The following SNX29 variants were observed in gnomAD, a reference collection of about 807,000 sequenced individuals.
The protein encoded by SNX29 is sorting nexin-29.
Under a neutral mutation model 102.1 loss-of-function variants are expected in SNX29, and 78 were observed. That is an observed-to-expected ratio of 0.76 (90% CI 0.64 to 0.92). SNX29 has a LOEUF of 0.92. SNX29 is among the 40% of genes least tolerant of loss of function. SNX29 has a pLI of 0.00. For synonymous variants in SNX29, 580 were observed against 414.5 expected (o/e 1.40, Z -4.85); for missense variants, 1,280 against 1,061.7 (o/e 1.21, Z -2.86).
At chr16:12,533,148 C>G (rs1401362712) in intron 20 of SNX29, among the ~76,000 whole-genome samples, 2 of 152,378 alleles carry the variant, frequency 1.3e-5, no homozygotes, top group Middle Eastern at 3.4e-3. Context: ...CCGCCTTTGC[C>G]AGGCAGGGCC....
intron 14 of SNX29, among the ~76,000 whole-genome samples, chr16:12,249,155 TG>T (rs2078348269): frequency 6.6e-6 from 1 of 152,278 alleles, no homozygotes; most frequent in South Asian, 2.1e-4. Context: ...GCAGCTGTGA[TG>T]GGGACAGCTC....
At chr16:12,014,941 A>G (rs1026078179) in intron 3 of SNX29, among the ~76,000 whole-genome samples, 2 of 151,738 alleles carry the variant, frequency 1.3e-5, no homozygotes, top group African/African-American at 4.8e-5. Context: ...CAAAGCATGA[A>G]TTTTTTTCTT....
At position 12,463,694 on chromosome 16, in the gene SNX29, T is replaced by C. The variant is rs572764683; in HGVS notation, c.2038-14025T>C. On this transcript the variant is annotated intron_variant, in intron 18 of 20. Transcript: ENST00000566228. Reference sequence around the variant, plus strand: ...CTATTATTAAAAATTGTTTTTAAATTTTTAAATATTGACAAATAAAAATTG... The same window carrying C: ...CTATTATTAAAAATTGTTTTTAAATCTTTAAATATTGACAAATAAAAATTG... Among the ~76,000 whole-genome samples the C allele has an allele frequency of 1.4e-4, 22 of 152,298 alleles. 1 individual carries two copies. In the South Asian group the frequency reaches 4.6e-3, roughly 32 times the overall value.
At chr16:12,009,658 T>G (rs1443447130) in intron 3 of SNX29, among the ~76,000 whole-genome samples, 1 of 152,154 alleles carries the variant, frequency 6.6e-6, no homozygotes, top group Non-Finnish European at 1.5e-5. Context: ...CGCTGGGCTC[T>G]GAAATGCGCG....
At chr16:12,192,793 C>A (rs1225952970) in intron 13 of SNX29, among the ~76,000 whole-genome samples, 1 of 152,188 alleles carries the variant, frequency 6.6e-6, no homozygotes, top group African/African-American at 2.4e-5. Context: ...ACCTCTGCCT[C>A]CCGGGTTCAA....
intron 11 of SNX29, among the ~76,000 whole-genome samples, chr16:12,107,822 C>T (rs779266178): frequency 6.6e-6 from 1 of 152,044 alleles, no homozygotes; most frequent in East Asian, 1.9e-4. Flanking sequence ...TTCTGCTACC[C>T]GTCCATAGGA....
At chr16:12,148,062 A>T (rs1245204314) in intron 13 of SNX29, among the ~76,000 whole-genome samples, 3 of 152,210 alleles carry the variant, frequency 2.0e-5, no homozygotes, top group African/African-American at 7.2e-5. Context: ...AAGATGTGTG[A>T]GACTCGTACC....
At chr16:12,555,886 C>T (rs1034831889) in intron 20 of SNX29, among the ~76,000 whole-genome samples, 5 of 152,028 alleles carry the variant, frequency 3.3e-5, no homozygotes, top group South Asian at 4.2e-4. Context: ...TGCTTTCTGC[C>T]CTCCTGTTCT....
At position 12,553,223 on chromosome 16, in the gene SNX29, G is replaced by A. The variant is rs180840157; in HGVS notation, c.2319-15283G>A. Among the ~76,000 whole-genome samples the A allele has an allele frequency of 7.5e-4, 114 of 152,266 alleles. 1 individual carries two copies. The highest frequency in any genetic ancestry group is 2.4e-3 in the African/African-American group (100 of 41,530). On this transcript the variant is annotated intron_variant, in intron 20 of 20. Coordinates refer to ENST00000566228, the MANE Select transcript of SNX29 (RefSeq NM_032167.5). ...ATTTCCAGTAGCCATGCTCGCAGAT[G>A]GGGACTTGAGAATACAGAGAGAGAT...
chr16:12,274,492 C>A (rs1038250466), intron 14 of SNX29, among the ~76,000 whole-genome samples: 1 of 151,226 alleles, frequency 6.6e-6, no homozygotes, highest in Non-Finnish European at 1.5e-5. Flanking sequence ...TTTCTCCTTT[C>A]TTGATCTCTT....
At chr16:12,530,338 G>A (rs987758804) in intron 20 of SNX29, among the ~76,000 whole-genome samples, 12 of 152,102 alleles carry the variant, frequency 7.9e-5, no homozygotes, top group Non-Finnish European at 1.0e-4. Context: ...GGAGATTGTG[G>A]GGAGCAGATA....
At chr16:12,013,543 C>CGAGAGAGAGAGAGAGAGAGAGA (rs1433909955) in intron 3 of SNX29, among the ~76,000 whole-genome samples, 2 of 61,876 alleles carry the variant, frequency 3.2e-5, no homozygotes, top group African/African-American at 1.1e-4. Flanking sequence ...ATATATATAT[C>CGAGAGAGAGAGAGAGAGAGAGA]GAGAGAGGAG....
At chr16:12,118,336 T>TA (rs1555464076) in intron 11 of SNX29, among the ~76,000 whole-genome samples, 18 of 145,440 alleles carry the variant, frequency 1.2e-4, no homozygotes, top group South Asian at 2.2e-4. Flanking sequence ...TTTTTTTTTT[T>TA]ATGAGATGGA....
intron 19 of SNX29, among the ~76,000 whole-genome samples, chr16:12,516,000 G>T (rs1260846596): frequency 1.3e-5 from 2 of 152,132 alleles, no homozygotes; most frequent in Non-Finnish European, 1.5e-5. Context: ...GGAAGCAGGG[G>T]AGGGGAGGAT....
At chr16:12,564,890 G>C (rs1261529322) in intron 20 of SNX29, among the ~76,000 whole-genome samples, 1 of 150,750 alleles carries the variant, frequency 6.6e-6, no homozygotes, top group Non-Finnish European at 1.5e-5. Context: ...AGGATCCTGT[G>C]GGGAGGAGGC....
At chr16:12,288,398 C>T (rs1301667068) in intron 15 of SNX29, among the ~76,000 whole-genome samples, 1 of 152,188 alleles carries the variant, frequency 6.6e-6, no homozygotes, top group African/African-American at 2.4e-5. Flanking sequence ...AGTAAAAGTA[C>T]CTACAAATGT....
chr16:12,467,635 C>CGTTCGTTT (rs2087120691), intron 18 of SNX29, among the ~76,000 whole-genome samples: 2 of 136,262 alleles, frequency 1.5e-5, no homozygotes, highest in East Asian at 5.2e-4. Flanking sequence ...TTCGTTCGTT[C>CGTTCGTTT]GTTCATTCAT....
In SNX29 at chr16:12,571,945, G is replaced by A. The variant is rs960638440; in HGVS notation, c.*3316G>A. On this transcript the variant is annotated 3_prime_UTR_variant, in exon 21 of 21. Transcript: ENST00000566228. ...CCTGGTGAAGGAAGACACTTTCAGG[G>A]AAGAGGCTCTTACAGTCTATGGTGG... The A allele has an allele frequency of 8.5e-6, 9 of 1,061,902 alleles. No individual in the cohort carries two copies. The South Asian group carries it at 2.3e-4, about 27-fold the overall frequency. 65.8% of individuals were successfully genotyped at this position (1,061,902 alleles called of 1,614,324 possible). A position where few individuals can be genotyped will look rare whatever the true frequency, so the allele number is the denominator to read the frequency against.
At chr16:11,988,979 A>AT (rs573899646) in intron 1 of SNX29, among the ~76,000 whole-genome samples, 2,567 of 148,428 alleles carry the variant, frequency 0.017, 78 homozygotes, top group African/African-American at 0.058. Context: ...CTCTAGAGTA[A>AT]TTTTTTTTTT....
Sources: gnomAD v4.1 joint callset for allele counts (sites outside exome capture counted in the v4.1 genomes callset) on GRCh38, gnomAD v4.1.1 for gene constraint, MANE v1.5 for transcripts, NCBI Gene and HGNC (gene_info 2026-07-23, HGNC 2026-07-21) for gene names.